The following AQP9 variants were observed in gnomAD, a reference collection of about 807,000 sequenced individuals.
AQP9 encodes aquaporin-9.
AQP9 carries 19 observed loss-of-function variants against 23.8 expected under a neutral mutation model. The observed-to-expected ratio is 0.80, with a 90% confidence interval of 0.56 to 1.17. AQP9 has a LOEUF of 1.17. Among genes scored for constraint, AQP9 ranks in the 50% most tolerant of loss-of-function variants. The pLI is 0.00. For missense variants in AQP9, 413 were observed against 362.0 expected, an observed-to-expected ratio of 1.14 and a Z score of -1.14; for synonymous variants, 153 against 131.5, an observed-to-expected ratio of 1.16 and a Z score of -1.12.
chr15:58,161,193 A>C (rs1230133249), intron 1 of AQP9, among the ~76,000 whole-genome samples: 1 of 152,108 alleles, frequency 6.6e-6, no homozygotes, highest in Non-Finnish European at 1.5e-5. Context: ...AGATATGGGA[A>C]TGACAGACTA....
intron 1 of AQP9, among the ~76,000 whole-genome samples, chr15:58,157,249 CA>C (rs1216417201): frequency 6.6e-6 from 1 of 152,182 alleles, no homozygotes; most frequent in Admixed American, 6.5e-5. Flanking sequence ...ACACAGAACT[CA>C]TGTTCTTGGG....
intron 1 of AQP9, among the ~76,000 whole-genome samples, chr15:58,158,958 C>G (rs1040601915): frequency 6.6e-6 from 1 of 152,172 alleles, no homozygotes; most frequent in South Asian, 2.1e-4. Flanking sequence ...ACTCACCGAA[C>G]AAATATTTAT....
At chr15:58,170,663 A>G (rs1343710539) in intron 2 of AQP9, among the ~76,000 whole-genome samples, 1 of 152,066 alleles carries the variant, frequency 6.6e-6, no homozygotes, top group African/African-American at 2.4e-5. Context: ...TTGGCCTCCC[A>G]AAGTGCTGAG....
chr15:58,154,571 A>G (rs1398739906), intron 1 of AQP9, among the ~76,000 whole-genome samples: 1 of 123,840 alleles, frequency 8.1e-6, no homozygotes, highest in Non-Finnish European at 1.7e-5. Flanking sequence ...TATTAAAATT[A>G]ATTATAATGA....
chr15:58,182,113 C>A (rs944969480), intron 5 of AQP9, among the ~76,000 whole-genome samples: 2 of 152,102 alleles, frequency 1.3e-5, no homozygotes, highest in South Asian at 2.1e-4. Flanking sequence ...AGTCAACAGA[C>A]CCTGGCCAAA....
intron 1 of AQP9, among the ~76,000 whole-genome samples, chr15:58,156,476 C>A (rs1249630690): frequency 6.6e-6 from 1 of 152,108 alleles, no homozygotes; most frequent in Non-Finnish European, 1.5e-5. Flanking sequence ...CGAATATCAA[C>A]CCATACTAAA....
At chr15:58,143,766 T>C (rs1595725984) in intron 1 of AQP9, among the ~76,000 whole-genome samples, 2 of 152,342 alleles carry the variant, frequency 1.3e-5, no homozygotes, top group Admixed American at 1.3e-4. Context: ...CCTCTCACTA[T>C]TGATTACAAT....
intron 1 of AQP9, among the ~76,000 whole-genome samples, chr15:58,148,405 T>C (rs1472963116): frequency 6.6e-6 from 1 of 152,156 alleles, no homozygotes; most frequent in Non-Finnish European, 1.5e-5. Context: ...GAGGAGCATC[T>C]AATGGAACTA....
chr15:58,175,465 G>A (rs1898730815), intron 4 of AQP9, among the ~76,000 whole-genome samples: 1 of 152,208 alleles, frequency 6.6e-6, no homozygotes, highest in South Asian at 2.1e-4. Context: ...CTCACCATGT[G>A]CATAGGTTTA....
At chr15:58,142,781 T>G (rs1442285377) in intron 1 of AQP9, among the ~76,000 whole-genome samples, 5 of 152,184 alleles carry the variant, frequency 3.3e-5, no homozygotes, top group African/African-American at 1.2e-4. Context: ...TCCTCCATGC[T>G]TGGTTCTTCT....
chr15:58,180,816 T>C (rs555653659), intron 5 of AQP9, among the ~76,000 whole-genome samples: 1 of 152,316 alleles, frequency 6.6e-6, no homozygotes, highest in African/African-American at 2.4e-5. Context: ...CAACAAAGAA[T>C]TATTCAGTCC....
At chr15:58,146,986 C>T (rs1273031975) in intron 1 of AQP9, 1 of 152,176 alleles carries the variant, frequency 6.6e-6, no homozygotes, top group Non-Finnish European at 1.5e-5. Context: ...AATTTTCCTA[C>T]AGACTTCCCC....
rs111374544 is a variant in AQP9 at position 58,156,660 on chromosome 15, C to T, written c.112-10013C>T. On this transcript the variant is annotated intron_variant, in intron 1 of 5. Coordinates refer to ENST00000219919, the MANE Select transcript of AQP9 (RefSeq NM_020980.5). ...TTTATATAGCATTTTCACTTAACACCCTCCTCTTAATGACTTTCACCTGGC... is the reference window on the plus strand; with the variant it reads ...TTTATATAGCATTTTCACTTAACACTCTCCTCTTAATGACTTTCACCTGGC... 5.7e-3 allele frequency among the ~76,000 whole-genome samples: 868 copies of T among 152,254 alleles called. 14 individuals are homozygous for T. The highest frequency in any genetic ancestry group is 0.02 in the African/African-American group (831 of 41,548).
At chr15:58,172,575 C>T (rs974626294) in intron 2 of AQP9, among the ~76,000 whole-genome samples, 2 of 152,178 alleles carry the variant, frequency 1.3e-5, no homozygotes, top group Admixed American at 1.3e-4. Context: ...CCCTCAGCAA[C>T]CCACAGTCAT....
chr15:58,161,057 G>A lies in AQP9; in HGVS notation c.112-5616G>A, dbSNP rs185574504. On this transcript the variant is annotated intron_variant, in intron 1 of 5. Transcript: ENST00000219919. ...GGAGAGCCCTGAGGACCAGCTTGAG[G>A]ACTCTGGGCTGACATTTCCTGAGCA... Among the ~76,000 whole-genome samples the A allele has an allele frequency of 2.4e-3, 364 of 152,262 alleles. 1 individual carries two copies. The highest frequency in any genetic ancestry group is 8.3e-3 in the African/African-American group (343 of 41,546).
intron 3 of AQP9, among the ~76,000 whole-genome samples, chr15:58,173,468 A>G (rs1279920969): frequency 6.6e-6 from 1 of 152,170 alleles, no homozygotes; most frequent in Non-Finnish European, 1.5e-5. Flanking sequence ...CAACATACAC[A>G]TCCATACAAC....
chr15:58,162,179 GCT>G (rs1362339162), intron 1 of AQP9, among the ~76,000 whole-genome samples: 1 of 152,162 alleles, frequency 6.6e-6, no homozygotes, highest in African/African-American at 2.4e-5. Flanking sequence ...TCATTTCTGG[GCT>G]CTGTGTTTTA....
chr15:58,176,398 G>C lies in AQP9; in HGVS notation c.495+1362G>C, dbSNP rs139078125. 5.1e-4 allele frequency among the ~76,000 whole-genome samples: 78 copies of C among 152,054 alleles called. No homozygotes were observed. In the East Asian group the frequency reaches 0.015, roughly 29 times the overall value. On this transcript the variant is annotated intron_variant, in intron 4 of 5. Transcript: ENST00000219919. ...CCATGCGTGGTGGTGCTTGCATGTAGTCCCAGCAACTTGGGAGGCTGAGGT... is the reference window on the plus strand; with the variant it reads ...CCATGCGTGGTGGTGCTTGCATGTACTCCCAGCAACTTGGGAGGCTGAGGT...
At chr15:58,176,579 G>A (rs989668637) in intron 4 of AQP9, among the ~76,000 whole-genome samples, 1 of 151,192 alleles carries the variant, frequency 6.6e-6, no homozygotes, top group African/African-American at 2.4e-5. Context: ...ATAGAAGAGC[G>A]AGGACAATTT....
Sources: gnomAD v4.1 joint callset for allele counts (sites outside exome capture counted in the v4.1 genomes callset) on GRCh38, gnomAD v4.1.1 for gene constraint, MANE v1.5 for transcripts, NCBI Gene and HGNC (gene_info 2026-07-23, HGNC 2026-07-21) for gene names.